Variants in OTC observed in about 807,000 individuals in gnomAD.
OTC encodes ornithine transcarbamylase, mitochondrial.
In OTC, 3 loss-of-function variants were observed where a neutral mutation model predicts 30.3. That is an observed-to-expected ratio of 0.10 (90% CI 0.05 to 0.26). The LOEUF (loss-of-function observed/expected upper bound fraction) is 0.26. Ranked by LOEUF, OTC falls within the 10% of genes least tolerant of loss-of-function variation. The pLI is 1.00. For missense variants in OTC, 194 were observed against 260.3 expected (o/e 0.75, Z 1.75); for synonymous variants, 111 against 99.7 (o/e 1.11, Z -0.67).
chrX:38,333,930 G>A, the OTC span, among the ~76,000 whole-genome samples: 1 of 112,321 alleles, frequency 8.9e-6, no homozygotes, highest in Non-Finnish European at 1.9e-5. Context: ...TAGGATATAT[G>A]ATTTGAGGAC....
intron 3 of OTC, among the ~76,000 whole-genome samples, chrX:38,374,747 T>C (rs758466665): frequency 1.1e-4 from 12 of 111,762 alleles, no homozygotes; most frequent in Non-Finnish European, 1.9e-4. Flanking sequence ...GAAACTTTGT[T>C]TGAAGTCTTC....
chrX:38,408,854 C>T, intron 7 of OTC, 22 bp from the exon 8 acceptor site: 2 of 1,209,893 alleles, frequency 1.7e-6, no homozygotes, highest in Non-Finnish European at 2.2e-6. Context: ...AGTTATTTAA[C>T]CAGCGTGTTT....
At chrX:38,346,535 C>T in the OTC span, among the ~76,000 whole-genome samples, 1 of 112,419 alleles carries the variant, frequency 8.9e-6, no homozygotes, top group Non-Finnish European at 1.9e-5. Context: ...ACAAACTCCT[C>T]AAGCGGGAAA....
At chrX:38,409,146 TGA>T in intron 8 of OTC, 121 bp downstream of exon 8, 1 of 751,710 alleles carries the variant, frequency 1.3e-6, no homozygotes, top group South Asian at 2.3e-5. Flanking sequence ...AAGGACTCAC[TGA>T]CTGTATCCCC....
chrX:38,381,495 A>T, intron 4 of OTC, 66 bp downstream of exon 4: 1 of 720,525 alleles, frequency 1.4e-6, no homozygotes, highest in Non-Finnish European at 2.2e-6. Context: ...TCAAAAATAA[A>T]ACATAATTCT....
intron 3 of OTC, among the ~76,000 whole-genome samples, chrX:38,379,882 G>A (rs1169128730): frequency 9.0e-6 from 1 of 111,538 alleles, no homozygotes; most frequent in Non-Finnish European, 1.9e-5. Context: ...ACCTGCCTCT[G>A]ATTTTTACTT....
chrX:38,385,610 A>G (rs1052617519), intron 4 of OTC, among the ~76,000 whole-genome samples: 1 of 112,137 alleles, frequency 8.9e-6, no homozygotes, highest in Non-Finnish European at 1.9e-5. Flanking sequence ...GTGTTCAGGA[A>G]CAGAAGGGAA....
intron 8 of OTC, 74 bp downstream of exon 8, chrX:38,409,099 C>G (rs749975957): frequency 1.9e-6 from 2 of 1,043,791 alleles, no homozygotes; most frequent in Non-Finnish European, 2.7e-6. Context: ...CACTTATTCA[C>G]TTTAGGGGGA....
At chrX:38,419,653 T>C (rs5963424) in intron 9 of OTC, among the ~76,000 whole-genome samples, 27,805 of 111,320 alleles carry the variant, frequency 0.25, 2,806 homozygotes, top group African/African-American at 0.33. Flanking sequence ...ATTAGAAATG[T>C]TACTGATTTA....
intron 2 of OTC, among the ~76,000 whole-genome samples, chrX:38,367,779 G>A (rs1226879465): frequency 3.6e-5 from 4 of 110,234 alleles, no homozygotes; most frequent in African/African-American, 3.3e-5. Context: ...GTGCATTGGC[G>A]TGATCTTGGC....
rs188202884 is a variant in OTC at position 38,390,591 on chromosome X, T to C, written c.386+9162T>C. 2.9e-3 allele frequency among the ~76,000 whole-genome samples: 327 copies of C among 112,475 alleles called. 8 individuals are homozygous for C. The highest frequency in any genetic ancestry group is 0.025 in the Admixed American group (260 of 10,611). ...GGAGTTTAGAGGGCATGCAGTCTGA[T>C]TCAAACAAGGCAGGATGGAGACAAA... On this transcript the variant is annotated intron_variant, in intron 4 of 9. Transcript: ENST00000039007.
chrX:38,357,542 C>T (rs1243456517), intron 1 of OTC, among the ~76,000 whole-genome samples: 1 of 112,584 alleles, frequency 8.9e-6, no homozygotes. Context: ...TTTTCCTACT[C>T]TGGCAAAATC....
At chrX:38,355,683 A>G (rs1236664604) in intron 1 of OTC, among the ~76,000 whole-genome samples, 1 of 112,342 alleles carries the variant, frequency 8.9e-6, no homozygotes, top group Non-Finnish European at 1.9e-5. Flanking sequence ...TGCATAGAGG[A>G]GAGAAACCAG....
the OTC span, among the ~76,000 whole-genome samples, chrX:38,332,112 A>G: frequency 9.1e-6 from 1 of 109,313 alleles, no homozygotes; most frequent in Admixed American, 9.8e-5. Flanking sequence ...CATGGGAGGG[A>G]TCTAGATTGT....
At chrX:38,388,394 T>C (rs923751330) in intron 4 of OTC, among the ~76,000 whole-genome samples, 3 of 111,582 alleles carry the variant, frequency 2.7e-5, no homozygotes, top group African/African-American at 9.8e-5. Flanking sequence ...ATTTTCAGAT[T>C]TTGTCATTTA....
chrX:38,383,924 A>G (rs1222612317), intron 4 of OTC, among the ~76,000 whole-genome samples: 2 of 112,134 alleles, frequency 1.8e-5, no homozygotes, highest in Admixed American at 1.9e-4. Flanking sequence ...CACAGGACTG[A>G]GCATATAGTC....
chrX:38,364,217 G>GTACA (rs1308302109), intron 1 of OTC, among the ~76,000 whole-genome samples: 3 of 111,613 alleles, frequency 2.7e-5, no homozygotes, highest in African/African-American at 9.8e-5. Flanking sequence ...GTTTTGTTAT[G>GTACA]TACATAATCT....
intron 1 of OTC, among the ~76,000 whole-genome samples, chrX:38,360,536 A>G (rs1301464683): frequency 1.8e-5 from 2 of 111,917 alleles, no homozygotes; most frequent in Non-Finnish European, 3.8e-5. Context: ...TTAGGAAGTG[A>G]TATTTAAGCT....
chrX:38,333,163 C>T, the OTC span, among the ~76,000 whole-genome samples: 8 of 101,430 alleles, frequency 7.9e-5, no homozygotes, highest in East Asian at 6.1e-4. Context: ...TGGAGTGAGC[C>T]GAGATCGCAC....
Sources: gnomAD v4.1 joint callset for allele counts (sites outside exome capture counted in the v4.1 genomes callset) on GRCh38, gnomAD v4.1.1 for gene constraint, MANE v1.5 for transcripts, NCBI Gene and HGNC (gene_info 2026-07-23, HGNC 2026-07-21) for gene names.